MAP2K7: variants seen among roughly 807,000 people sequenced by gnomAD.
MAP2K7 encodes the protein mitogen-activated protein kinase kinase 7, also known as dual specificity mitogen-activated protein kinase kinase 7.
MAP2K7 carries 12 observed loss-of-function variants against 47.7 expected under a neutral mutation model. That is an observed-to-expected ratio of 0.25 (90% CI 0.16 to 0.41). The LOEUF is 0.41. MAP2K7 is among the 10% of genes least tolerant of loss of function. The probability of loss-of-function intolerance (pLI) is 1.00; values close to 1 mark genes in which losing one functional copy is unlikely to be tolerated. For missense variants in MAP2K7, 415 were observed against 600.3 expected (o/e 0.69, Z 3.23); for synonymous variants, 299 against 243.0 (o/e 1.23, Z -2.14).
chr19:7,912,002 A>G (rs1262880039), intron 9 of MAP2K7, 147 bp from the exon 10 acceptor site: 17 of 709,108 alleles, frequency 2.4e-5, no homozygotes, highest in Admixed American at 5.4e-5. Context: ...CCCCGCTGTC[A>G]GCCGGGGTCC....
intron 1 of MAP2K7, chr19:7,907,045 CAA>C (rs59539558): frequency 1.2e-4 from 11 of 93,784 alleles, no homozygotes; most frequent in Non-Finnish European, 1.3e-4. Flanking sequence ...AACTCCATCT[CAA>C]AAAAAAAAAA....
In MAP2K7 at chr19:7,909,739, G is replaced by C; in HGVS notation, c.125-16G>C. 1 of 1,529,228 alleles carries C rather than the reference G, an allele frequency of 6.5e-7. No homozygotes were observed. The highest frequency in any genetic ancestry group is 8.8e-7 in the Non-Finnish European group (1 of 1,138,528). The allele number at this position is 1,529,228 out of a possible 1,614,324, so 94.7% of individuals were successfully genotyped here. A position where few individuals can be genotyped will look rare whatever the true frequency, so the allele number is the denominator to read the frequency against. On this transcript the variant is annotated splice_polypyrimidine_tract_variant and intron_variant, in intron 1 of 10. Transcript: ENST00000397979. Reference sequence around the variant, plus strand: ...GCGCTGACCCCCCTCCCTGCCACTGGTTCTCACCCCCCTAGCCCTGCAGCT... The same window carrying C: ...GCGCTGACCCCCCTCCCTGCCACTGCTTCTCACCCCCCTAGCCCTGCAGCT...
chr19:7,909,198 C>G (rs1599624427), intron 1 of MAP2K7, among the ~76,000 whole-genome samples: 1 of 152,352 alleles, frequency 6.6e-6, no homozygotes, highest in East Asian at 1.9e-4. Flanking sequence ...GGGGGGCCCT[C>G]CCTGACCCCG....
At chr19:7,905,849 C>T (rs765299716) in intron 1 of MAP2K7, 8 of 1,612,342 alleles carry the variant, frequency 5.0e-6, no homozygotes, top group South Asian at 2.2e-5. Flanking sequence ...CCCGTCCCAA[C>T]GAGCAGGTAC....
At chr19:7,908,035 T>G (rs914754875) in intron 1 of MAP2K7, among the ~76,000 whole-genome samples, 2 of 151,810 alleles carry the variant, frequency 1.3e-5, no homozygotes, top group Non-Finnish European at 2.9e-5. Flanking sequence ...TGTGGTGGCG[T>G]GTACCTATAA....
rs376803808 is a variant in MAP2K7 at position 7,911,030 on chromosome 19, C to T, written c.726C>T (p.Arg242=). 3.2e-5 allele frequency: 51 copies of T among 1,612,750 alleles called. No homozygotes were observed. Among genetic ancestry groups the T allele is most frequent in the East Asian group, 8.9e-5 (4 of 44,868 alleles). Residue 242 remains arginine, a synonymous_variant, in exon 7 of 11, where the codon CGC becomes CGT. Coordinates refer to ENST00000397979, the MANE Select transcript of MAP2K7 (RefSeq NM_145185.4). ...AGGAGAAGCACGGTGTCATCCACCGCGACGTCAAGCCCTCCAACATCCTGC... is the reference window on the plus strand; with the variant it reads ...AGGAGAAGCACGGTGTCATCCACCGTGACGTCAAGCCCTCCAACATCCTGC... The part of the protein sequence containing the change: ...YLKEKHGVIH[R]DVKPSNILLD...
At position 7,909,763 on chromosome 19, in the gene MAP2K7, C is replaced by G; in HGVS notation, c.133C>G (p.Leu45Val). The change falls in exon 2 of 11, where the codon CTC (leucine) becomes GTC (valine). Residue 45 changes from leucine (L) to valine (V), a missense_variant. Coordinates refer to ENST00000397979, the MANE Select transcript of MAP2K7 (RefSeq NM_145185.4). ...GGTTCTCACCCCCCTAGCCCTGCAG[C>G]TCCCGCTGGCCAACGATGGGGGCAG... ...SPQRPRPTLQ[L>V]PLANDGGSRS... is the part of the protein sequence containing the mutation. The G allele has an allele frequency of 1.3e-6, 2 of 1,541,752 alleles. No individual in the cohort carries two copies. The highest frequency in any genetic ancestry group is 1.7e-6 in the Non-Finnish European group (2 of 1,145,880).
chr19:7,907,142 C>CA (rs1316387109), intron 1 of MAP2K7: 3,218 of 132,744 alleles, frequency 0.024, 72 homozygotes, highest in African/African-American at 0.062. Context: ...GACTCCGTCT[C>CA]AAAAAAAAAA....
Position 7,903,927 on chromosome 19 carries a change from G to T in MAP2K7, c.-18G>T. On this transcript the variant is annotated 5_prime_UTR_variant, in exon 1 of 11. Coordinates refer to ENST00000397979, the MANE Select transcript of MAP2K7 (RefSeq NM_145185.4). ...ACGGGCGGCCGGGCGGTGCGCGGCGGCGGTGGCGGCGGGGAAGATGGCGGC... is the reference window on the plus strand; with the variant it reads ...ACGGGCGGCCGGGCGGTGCGCGGCGTCGGTGGCGGCGGGGAAGATGGCGGC... 6.6e-7 allele frequency: 1 copy of T among 1,507,388 alleles called. No homozygotes were observed. The allele number at this position is 1,507,388 out of a possible 1,614,324, so 93.4% of individuals were successfully genotyped here.
Position 7,905,908 on chromosome 19 carries a change from G to A in MAP2K7, c.124+1840G>A, listed in dbSNP as rs754700105. 92 of 1,543,504 alleles carry A rather than the reference G, an allele frequency of 6.0e-5. 2 individuals carry two copies. In the Middle Eastern group the frequency reaches 5.1e-3, roughly 85 times the overall value. On this transcript the variant is annotated intron_variant, in intron 1 of 10. Coordinates refer to ENST00000397979, the MANE Select transcript of MAP2K7 (RefSeq NM_145185.4). ...GGACATCTGCACCATTGACCTAACC[G>A]CTGCCCCGGCCGCAGAATGGCGTCC...
At position 7,905,425 on chromosome 19, in the gene MAP2K7, G is replaced by A. The variant is rs145135072; in HGVS notation, c.124+1357G>A. On this transcript the variant is annotated intron_variant, in intron 1 of 10. Transcript: ENST00000397979. ...AAATCATGGAGGTGGGGATTCTGGTGCAGGACACTGCCTGAGACAAGAAGC... is the reference window on the plus strand; with the variant it reads ...AAATCATGGAGGTGGGGATTCTGGTACAGGACACTGCCTGAGACAAGAAGC... 2.5e-3 allele frequency among the ~76,000 whole-genome samples: 378 copies of A among 152,276 alleles called. 6 individuals carry two copies. Among genetic ancestry groups the A allele is most frequent in the African/African-American group, 8.7e-3 (361 of 41,532 alleles).
rs1982998972 is a variant in MAP2K7 at position 7,912,814 on chromosome 19, G to A, written c.*383G>A. 4 of 246,398 alleles carry A rather than the reference G, an allele frequency of 1.6e-5. No homozygotes were observed. The highest frequency in any genetic ancestry group is 1.0e-4 in the Admixed American group (2 of 19,580). 15.3% of individuals were successfully genotyped at this position (246,398 alleles called of 1,614,324 possible). A position where few individuals can be genotyped will look rare whatever the true frequency, so the allele number is the denominator to read the frequency against. ...GCTGTGTCCTTCGCCACTCCCACGC[G>A]CCCGTTCCTCTTCCGTCGCCCTCTG... On this transcript the variant is annotated 3_prime_UTR_variant, in exon 11 of 11. Transcript: ENST00000397979.
At position 7,905,133 on chromosome 19, in the gene MAP2K7, A is replaced by C. The variant is rs563521455; in HGVS notation, c.124+1065A>C. On this transcript the variant is annotated intron_variant, in intron 1 of 10. Transcript: ENST00000397979. ...GAAATTAGATTTTCAAACCCTGTGA[A>C]CACCACCCCTGACCCATGATCCTTT... Among the ~76,000 whole-genome samples, 5 of 152,176 alleles carry C rather than the reference A, an allele frequency of 3.3e-5. 1 individual carries two copies. In the East Asian group the frequency reaches 5.8e-4, roughly 18 times the overall value.
In MAP2K7 at chr19:7,913,043, GC is replaced by G. The variant is rs60437175; in HGVS notation, c.*613del. ...CGGCTGGACGGGGCTGCGCGCTCGCGCTCTCTCTCTCTCTCTCTCTCTCTCT... is the reference window on the plus strand; with the variant it reads ...CGGCTGGACGGGGCTGCGCGCTCGCGTCTCTCTCTCTCTCTCTCTCTCTCT... On this transcript the variant is annotated 3_prime_UTR_variant, in exon 11 of 11. Coordinates refer to ENST00000397979, the MANE Select transcript of MAP2K7 (RefSeq NM_145185.4). The G allele has an allele frequency of 0.24, 36,447 of 150,142 alleles. 4,565 individuals are homozygous for G. The highest frequency in any genetic ancestry group is 0.29 in the Non-Finnish European group (19,494 of 67,550). The allele number at this position is 150,142 out of a possible 1,614,324, so 9.3% of individuals were successfully genotyped here. A position where few individuals can be genotyped will look rare whatever the true frequency, so the allele number is the denominator to read the frequency against.
intron 1 of MAP2K7, 33 bp downstream of exon 1, chr19:7,904,101 G>C: frequency 1.7e-6 from 2 of 1,201,230 alleles, no homozygotes; most frequent in Non-Finnish European, 2.1e-6. Context: ...GGGGGCGGGC[G>C]GGCGGGGCGG....
At chr19:7,912,075 GC>G (rs1462326499) in intron 9 of MAP2K7, 73 bp from the exon 10 acceptor site, 34 of 1,429,552 alleles carry the variant, frequency 2.4e-5, no homozygotes, top group Non-Finnish European at 3.3e-5. Flanking sequence ...CTTGGGGAGG[GC>G]CTGAGCACAG....
At chr19:7,910,892 C>T (rs1189282643) in intron 6 of MAP2K7, 88 bp from the exon 7 acceptor site, 32 of 1,582,268 alleles carry the variant, frequency 2.0e-5, no homozygotes, top group Middle Eastern at 3.4e-4. Flanking sequence ...ATGACAGTGG[C>T]GGTGAGTGGC....
rs780187109 is a variant in MAP2K7, at chr19:7,911,586, C to T, written c.1079+8C>T. 1 of 1,577,058 alleles carries T rather than the reference C, an allele frequency of 6.3e-7. No individual in the cohort carries two copies. The highest frequency in any genetic ancestry group is 1.1e-5 in the South Asian group (1 of 88,986). The stretch of plus-strand genomic sequence containing the variant: ...GTCCTTCGTCAAAGACTGGTGAGAA[C>T]CTCCCTCCACTTGGGAGGTCAGGGA... On this transcript the variant is annotated splice_region_variant and intron_variant, in intron 9 of 10. Coordinates refer to ENST00000397979, the MANE Select transcript of MAP2K7 (RefSeq NM_145185.4).
intron 1 of MAP2K7, among the ~76,000 whole-genome samples, chr19:7,908,164 CAAAAAA>C (rs879174307): frequency 2.3e-5 from 3 of 129,184 alleles, no homozygotes; most frequent in Non-Finnish European, 3.3e-5. Flanking sequence ...GAACCTATCT[CAAAAAA>C]AAAAAAAAAC....
Sources: gnomAD v4.1 joint callset for allele counts (sites outside exome capture counted in the v4.1 genomes callset) on GRCh38, gnomAD v4.1.1 for gene constraint, MANE v1.5 for transcripts, NCBI Gene and HGNC (gene_info 2026-07-23, HGNC 2026-07-21) for gene names.